CMTM7: variants seen among roughly 807,000 people sequenced by gnomAD.
The protein encoded by CMTM7 is CKLF-like MARVEL transmembrane domain-containing protein 7.
CMTM7 carries 7 observed loss-of-function variants against 19.3 expected under a neutral mutation model. That is an observed-to-expected ratio of 0.36 (90% CI 0.21 to 0.68). The LOEUF (loss-of-function observed/expected upper bound fraction) is 0.68, where lower values mean the gene tolerates loss of function less well. CMTM7 is among the 30% of genes least tolerant of loss of function. The pLI is 0.60. For synonymous variants in CMTM7, 87 were observed against 99.3 expected (o/e 0.88, Z 0.74); for missense variants, 193 against 232.6 (o/e 0.83, Z 1.11).
intron 1 of CMTM7, among the ~76,000 whole-genome samples, chr3:32,417,814 G>GTT (rs58360785): frequency 6.2e-5 from 9 of 144,132 alleles, no homozygotes; most frequent in African/African-American, 2.2e-4. Flanking sequence ...TTTGTTTTTG[G>GTT]TTTTTTTTTT....
intron 2 of CMTM7, among the ~76,000 whole-genome samples, chr3:32,443,341 C>T (rs766414411): frequency 1.1e-4 from 17 of 152,024 alleles, no homozygotes; most frequent in Non-Finnish European, 1.8e-4. Flanking sequence ...TGGCCTTAAG[C>T]AATCCTCCCA....
At chr3:32,403,465 G>A (rs921185609) in intron 1 of CMTM7, among the ~76,000 whole-genome samples, 3 of 152,226 alleles carry the variant, frequency 2.0e-5, no homozygotes, top group East Asian at 1.9e-4. Context: ...AGCTCACCTC[G>A]GCCTCCCAAA....
intron 2 of CMTM7, among the ~76,000 whole-genome samples, chr3:32,445,587 A>T (rs642705): frequency 1.3e-5 from 2 of 152,080 alleles, no homozygotes; most frequent in Non-Finnish European, 2.9e-5. Flanking sequence ...ATTATGGCTC[A>T]CTGCAGCCTT....
In CMTM7 at chr3:32,392,000, T is replaced by C. The variant is rs1385006364; in HGVS notation, c.94T>C (p.Leu32=). The change falls in exon 1 of 5, where the codon TTG becomes CTG. Residue 32 remains leucine (L), a synonymous_variant. Coordinates refer to ENST00000334983, the MANE Select transcript of CMTM7 (RefSeq NM_138410.4). ...CGCGGCCCAGCCCAGCGCGAGCCCC[T>C]TGGAGGGGCTGCTGGACCTCAGCTA... ...AGAAQPSASP[L]EGLLDLSYPR... 1 of 1,233,690 alleles carries C rather than the reference T, an allele frequency of 8.1e-7. No homozygotes were observed. Among genetic ancestry groups the C allele is most frequent in the Non-Finnish European group, 1.0e-6 (1 of 986,762 alleles). The allele number at this position is 1,233,690 out of a possible 1,614,324, so 76.4% of individuals were successfully genotyped here. A position where few individuals can be genotyped will look rare whatever the true frequency, so the allele number is the denominator to read the frequency against.
chr3:32,404,606 C>G (rs940823377), intron 1 of CMTM7, among the ~76,000 whole-genome samples: 2 of 152,220 alleles, frequency 1.3e-5, no homozygotes, highest in African/African-American at 4.8e-5. Context: ...GAACCCAGGT[C>G]CAGCAAGTCT....
At chr3:32,444,128 CA>C (rs1696719720) in intron 2 of CMTM7, among the ~76,000 whole-genome samples, 1 of 151,986 alleles carries the variant, frequency 6.6e-6, no homozygotes, top group Non-Finnish European at 1.5e-5. Flanking sequence ...AAGCCATTTC[CA>C]AATTCAGATT....
chr3:32,401,733 C>T (rs1316704029), intron 1 of CMTM7, among the ~76,000 whole-genome samples: 1 of 152,240 alleles, frequency 6.6e-6, no homozygotes, highest in African/African-American at 2.4e-5. Flanking sequence ...TTCTTTGTTA[C>T]TACTTTGGCT....
At chr3:32,416,786 T>C (rs865908348) in intron 1 of CMTM7, among the ~76,000 whole-genome samples, 1 of 152,150 alleles carries the variant, frequency 6.6e-6, no homozygotes, top group African/African-American at 2.4e-5. Context: ...GGTATTGCTT[T>C]AAGGTTTTTC....
At chr3:32,432,990 G>A (rs1211800344) in intron 1 of CMTM7, among the ~76,000 whole-genome samples, 1 of 152,212 alleles carries the variant, frequency 6.6e-6, no homozygotes, top group Non-Finnish European at 1.5e-5. Context: ...ATGTCCTCCT[G>A]TAGTGATGAC....
At chr3:32,440,034 A>G (rs1696651620) in intron 1 of CMTM7, among the ~76,000 whole-genome samples, 1 of 151,850 alleles carries the variant, frequency 6.6e-6, no homozygotes, top group African/African-American at 2.4e-5. Context: ...TCATATACCC[A>G]TACGCTAACA....
At chr3:32,422,023 G>A (rs1030829562) in intron 1 of CMTM7, among the ~76,000 whole-genome samples, 12 of 152,250 alleles carry the variant, frequency 7.9e-5, no homozygotes, top group Non-Finnish European at 1.5e-4. Context: ...TGACCTGTGG[G>A]GGTTGCTAGC....
At chr3:32,444,096 T>C (rs2125641333) in intron 2 of CMTM7, among the ~76,000 whole-genome samples, 1 of 152,328 alleles carries the variant, frequency 6.6e-6, no homozygotes, top group East Asian at 1.9e-4. Context: ...CTTTTTTAGC[T>C]CACGCTTTTC....
At chr3:32,424,325 C>T (rs577081632) in intron 1 of CMTM7, among the ~76,000 whole-genome samples, 5 of 152,322 alleles carry the variant, frequency 3.3e-5, no homozygotes, top group Admixed American at 6.5e-5. Flanking sequence ...TTGTAGGCTG[C>T]GACCTCACCT....
chr3:32,408,142 C>G (rs1696115916), intron 1 of CMTM7, among the ~76,000 whole-genome samples: 1 of 152,144 alleles, frequency 6.6e-6, no homozygotes, highest in Non-Finnish European at 1.5e-5. Context: ...GAAGTCTCTC[C>G]CAGAGTCTCC....
intron 1 of CMTM7, among the ~76,000 whole-genome samples, chr3:32,399,538 C>T (rs1295782310): frequency 6.6e-6 from 1 of 152,146 alleles, no homozygotes; most frequent in East Asian, 1.9e-4. Flanking sequence ...TTTGAGAATT[C>T]ACAGGTTAGG....
At chr3:32,407,722 G>A (rs543574364) in intron 1 of CMTM7, among the ~76,000 whole-genome samples, 67 of 152,304 alleles carry the variant, frequency 4.4e-4, no homozygotes, top group African/African-American at 1.5e-3. Flanking sequence ...GTTGAGCAGA[G>A]GAAAGAACTC....
intron 3 of CMTM7, chr3:32,452,045 T>G: frequency 1.5e-6 from 2 of 1,325,330 alleles, no homozygotes; most frequent in Non-Finnish European, 2.0e-6. Context: ...AATTTCATCC[T>G]TTTCTTCTCT....
intron 1 of CMTM7, among the ~76,000 whole-genome samples, chr3:32,427,772 T>TG (rs1478714020): frequency 6.6e-6 from 1 of 152,180 alleles, no homozygotes; most frequent in Admixed American, 6.5e-5. Context: ...AATTTGGACA[T>TG]GGGTCACGCA....
chr3:32,454,205 C>G, intron 4 of CMTM7, 36 bp from the exon 5 acceptor site: 1 of 1,570,518 alleles, frequency 6.4e-7, no homozygotes, highest in East Asian at 2.3e-5. Context: ...GGCCACATCC[C>G]TGGCAAGCTG....
Sources: gnomAD v4.1 joint callset for allele counts (sites outside exome capture counted in the v4.1 genomes callset) on GRCh38, gnomAD v4.1.1 for gene constraint, MANE v1.5 for transcripts, NCBI Gene and HGNC (gene_info 2026-07-23, HGNC 2026-07-21) for gene names.